Variants in KLHL1 observed in about 807,000 individuals in gnomAD.
KLHL1 encodes kelch like family member 1.
KLHL1 carries 47 observed loss-of-function variants against 77.7 expected under a neutral mutation model. That is an observed-to-expected ratio of 0.60 (90% CI 0.48 to 0.77). The LOEUF (loss-of-function observed/expected upper bound fraction) is 0.77, where lower values mean the gene tolerates loss of function less well. Ranked by LOEUF, KLHL1 falls within the 30% of genes least tolerant of loss-of-function variation. The pLI, the probability that KLHL1 is intolerant of heterozygous loss-of-function variation, is 0.00. For synonymous variants in KLHL1, 360 were observed against 325.2 expected (o/e 1.11, Z -1.15); for missense variants, 925 against 910.8 (o/e 1.02, Z -0.20).
chr13:69,987,537 G>A (rs1406842905), intron 1 of KLHL1, among the ~76,000 whole-genome samples: 2 of 151,516 alleles, frequency 1.3e-5, no homozygotes, highest in African/African-American at 4.9e-5. Context: ...AAAGAAAAAA[G>A]GAAGTGAAAA....
intron 5 of KLHL1, among the ~76,000 whole-genome samples, chr13:69,867,184 C>G (rs1880397811): frequency 6.6e-6 from 1 of 152,036 alleles, no homozygotes; most frequent in Non-Finnish European, 1.5e-5. Context: ...GAGTCTATCA[C>G]ATAGTTTTCT....
At chr13:69,861,310 T>C (rs972480599) in intron 5 of KLHL1, among the ~76,000 whole-genome samples, 1 of 152,126 alleles carries the variant, frequency 6.6e-6, no homozygotes, top group Non-Finnish European at 1.5e-5. Context: ...TCCACCTTTT[T>C]GTGGCTTTTG....
At chr13:69,822,131 G>A (rs1292573004) in intron 6 of KLHL1, among the ~76,000 whole-genome samples, 26 of 150,870 alleles carry the variant, frequency 1.7e-4, no homozygotes, top group Admixed American at 8.6e-4. Context: ...CCCTGGAGGC[G>A]GAGGTTGCAG....
intron 4 of KLHL1, among the ~76,000 whole-genome samples, chr13:69,890,266 A>G (rs906955042): frequency 6.6e-6 from 1 of 152,044 alleles, no homozygotes; most frequent in African/African-American, 2.4e-5. Context: ...GTAATAGATC[A>G]TGGATTCGGA....
Position 69,971,534 on chromosome 13 carries a change from T to G in KLHL1, c.680+4086A>C, listed in dbSNP as rs545776715. 5.9e-5 allele frequency among the ~76,000 whole-genome samples: 9 copies of G among 152,186 alleles called. No homozygotes were observed. In the East Asian group the frequency reaches 1.7e-3, roughly 29 times the overall value. On this transcript the variant is annotated intron_variant, in intron 2 of 10. Transcript: ENST00000377844. ...TGTAATTTTTGCAAACAGAAATTCT[T>G]TAGTTCTCTATTTTTTCCATAGTAG...
intron 1 of KLHL1, among the ~76,000 whole-genome samples, chr13:70,020,907 T>C (rs1029135945): frequency 6.6e-6 from 1 of 152,104 alleles, no homozygotes; most frequent in Non-Finnish European, 1.5e-5. Flanking sequence ...AATACAAAGC[T>C]GAGTAGAAGG....
chr13:69,742,059 C>G (rs1874011471), intron 7 of KLHL1, among the ~76,000 whole-genome samples: 2 of 152,098 alleles, frequency 1.3e-5, no homozygotes, highest in African/African-American at 2.4e-5. Flanking sequence ...AGTTCAGTCA[C>G]AGTTTTATCT....
chr13:69,931,235 A>G (rs576246553), intron 4 of KLHL1, among the ~76,000 whole-genome samples: 1 of 151,872 alleles, frequency 6.6e-6, no homozygotes, highest in South Asian at 2.1e-4. Context: ...TATAATATCT[A>G]GCCTGAATAT....
At chr13:70,035,169 A>C (rs1886208144) in intron 1 of KLHL1, among the ~76,000 whole-genome samples, 1 of 152,146 alleles carries the variant, frequency 6.6e-6, no homozygotes, top group South Asian at 2.1e-4. Context: ...AGCATTATTC[A>C]CAAGAGCCAA....
intron 5 of KLHL1, among the ~76,000 whole-genome samples, chr13:69,879,177 A>C (rs1391862327): frequency 1.3e-5 from 2 of 152,196 alleles, no homozygotes; most frequent in African/African-American, 4.8e-5. Flanking sequence ...CACGTTGTGC[A>C]CATGTACCCT....
intron 4 of KLHL1, among the ~76,000 whole-genome samples, chr13:69,915,180 T>C (rs573145122): frequency 4.4e-4 from 67 of 152,302 alleles, no homozygotes; most frequent in Non-Finnish European, 6.8e-4. Context: ...AAGTAATTTA[T>C]AGATTCAATG....
In KLHL1 at chr13:69,724,600, T is replaced by G. The variant is rs550431509; in HGVS notation, c.1803-5019A>C. On this transcript the variant is annotated intron_variant, in intron 8 of 10. Coordinates refer to ENST00000377844, the MANE Select transcript of KLHL1 (RefSeq NM_020866.3). ...ATCCCTATGAATATACATACAAAAA[T>G]TATCATCATAATACCTGCAAACTGA... Among the ~76,000 whole-genome samples, 18 of 151,962 alleles carry G rather than the reference T, an allele frequency of 1.2e-4. 1 individual carries two copies. The South Asian group carries it at 3.3e-3, about 28-fold the overall frequency.
chr13:69,715,065 G>A (rs1210261098), intron 9 of KLHL1, among the ~76,000 whole-genome samples: 4 of 152,000 alleles, frequency 2.6e-5, no homozygotes, highest in Non-Finnish European at 5.9e-5. Context: ...TTTCTCTGTC[G>A]CTCCTCATAA....
At chr13:69,934,514 A>C (rs1163384167) in intron 4 of KLHL1, among the ~76,000 whole-genome samples, 1 of 152,034 alleles carries the variant, frequency 6.6e-6, no homozygotes, top group Non-Finnish European at 1.5e-5. Context: ...CTCTATTCTT[A>C]GTTTCTCTTC....
intron 4 of KLHL1, among the ~76,000 whole-genome samples, chr13:69,934,482 T>G (rs971746854): frequency 3.3e-5 from 5 of 152,100 alleles, no homozygotes; most frequent in South Asian, 2.1e-4. Context: ...AGTGGGTGTA[T>G]ACGCCTCTAG....
At chr13:69,703,756 T>C (rs1875505062) in intron 10 of KLHL1, among the ~76,000 whole-genome samples, 1 of 151,702 alleles carries the variant, frequency 6.6e-6, no homozygotes. Context: ...ACCATTCTGT[T>C]GCAATTACCT....
chr13:70,057,950 T>C lies in KLHL1; in HGVS notation c.497+49253A>G, dbSNP rs143967784. On this transcript the variant is annotated intron_variant, in intron 1 of 10. Transcript: ENST00000377844. ...TGACCAAGTAATATTTATCCCAACA[T>C]GTACAAATCAATCATATCAACAGAA... Among the ~76,000 whole-genome samples, 265 of 152,200 alleles carry C rather than the reference T, an allele frequency of 1.7e-3. 2 individuals are homozygous for C. The highest frequency in any genetic ancestry group is 6.0e-3 in the African/African-American group (249 of 41,522).
At chr13:69,821,986 T>G (rs1593861774) in intron 6 of KLHL1, among the ~76,000 whole-genome samples, 1 of 151,970 alleles carries the variant, frequency 6.6e-6, no homozygotes, top group Middle Eastern at 3.4e-3. Context: ...AATCACGAAG[T>G]CAGGAGTTTG....
At chr13:69,886,761 T>C (rs1035545983) in intron 4 of KLHL1, among the ~76,000 whole-genome samples, 1 of 152,184 alleles carries the variant, frequency 6.6e-6, no homozygotes, top group Non-Finnish European at 1.5e-5. Context: ...GAAATCTCTC[T>C]CTCATGGAAG....
Sources: allele counts gnomAD v4.1 joint callset (sites outside exome capture counted in the v4.1 genomes callset), GRCh38; gene constraint gnomAD v4.1.1; transcripts MANE v1.5; gene names NCBI Gene and HGNC (gene_info 2026-07-23, HGNC 2026-07-21).